ARHGEF26: variants seen among roughly 807,000 people sequenced by gnomAD.
ARHGEF26 encodes Rho guanine nucleotide exchange factor (GEF) 26.
A neutral mutation model predicts 89.4 loss-of-function variants in ARHGEF26; 59 were observed. The observed-to-expected ratio is 0.66, with a 90% CI of 0.54 to 0.82. The LOEUF (loss-of-function observed/expected upper bound fraction) is 0.82, where lower values mean the gene tolerates loss of function less well. Ranked by LOEUF, ARHGEF26 falls within the 40% of genes least tolerant of loss-of-function variation. The pLI, the probability that ARHGEF26 is intolerant of heterozygous loss-of-function variation, is 0.00. For synonymous variants in ARHGEF26, 500 were observed against 428.4 expected (o/e 1.17, Z -2.06); for missense variants, 1,234 against 1,085.6 (o/e 1.14, Z -1.92).
At chr3:154,162,879 G>A (rs982511022) in intron 6 of ARHGEF26, among the ~76,000 whole-genome samples, 1 of 152,120 alleles carries the variant, frequency 6.6e-6, no homozygotes, top group Non-Finnish European at 1.5e-5. Context: ...TATTATATAT[G>A]ATAATCATAC....
intron 6 of ARHGEF26, among the ~76,000 whole-genome samples, chr3:154,167,922 C>T (rs1321820415): frequency 6.6e-6 from 1 of 152,152 alleles, no homozygotes; most frequent in Non-Finnish European, 1.5e-5. Context: ...TTTGTTCTTA[C>T]AATCTCCAGG....
intron 12 of ARHGEF26, among the ~76,000 whole-genome samples, chr3:154,245,001 A>AT (rs1559924789): frequency 6.6e-6 from 1 of 152,206 alleles, no homozygotes; most frequent in South Asian, 2.1e-4. Context: ...AAAATATAGA[A>AT]TTTTTTAAGT....
rs761296397 is a variant in ARHGEF26 at position 154,161,100 on chromosome 3, TTGTGTGTGTGTG to T, written c.1487+8202_1487+8213del. Among the ~76,000 whole-genome samples, 9 of 17,606 alleles carry T rather than the reference TTGTGTGTGTGTG, an allele frequency of 5.1e-4. No homozygotes were observed. In the Admixed American group the frequency reaches 5.8e-3, roughly 11 times the overall value. 11.6% of individuals were successfully genotyped at this position (17,606 alleles called of 152,430 possible). ...CCTTTTGGAATGCTGGTAGCCAGGT[TTGTGTGTGTGTG>T]TGTGTGTGTGTGTGTGTGTGTGTGT... On this transcript the variant is annotated intron_variant, in intron 6 of 14. Coordinates refer to ENST00000465093, the MANE Select transcript of ARHGEF26 (RefSeq NM_015595.4).
At chr3:154,255,198 C>T in intron 14 of ARHGEF26, 133 bp from the exon 15 acceptor site, 2 of 931,720 alleles carry the variant, frequency 2.1e-6, no homozygotes, top group Non-Finnish European at 3.3e-6. Flanking sequence ...GAAAGCTTTC[C>T]CTGTCCCACT....
chr3:154,213,389 C>A (rs1024572317), intron 9 of ARHGEF26, among the ~76,000 whole-genome samples: 4 of 152,016 alleles, frequency 2.6e-5, no homozygotes, highest in Non-Finnish European at 5.9e-5. Flanking sequence ...ATAAAAACAG[C>A]AGAACATGTA....
chr3:154,161,114 G>T (rs967387863), intron 6 of ARHGEF26, among the ~76,000 whole-genome samples: 8 of 102,756 alleles, frequency 7.8e-5, no homozygotes, highest in Non-Finnish European at 1.3e-4. Flanking sequence ...GTGTGTGTGT[G>T]TGTGTGTGTG....
chr3:154,222,237 G>A (rs1458834354), intron 10 of ARHGEF26, among the ~76,000 whole-genome samples: 2 of 152,142 alleles, frequency 1.3e-5, no homozygotes, highest in African/African-American at 4.8e-5. Flanking sequence ...ATTTTGTAGG[G>A]CATGTGTGTG....
Position 154,126,890 on chromosome 3 carries a change from G to A in ARHGEF26, c.1123+2441G>A, listed in dbSNP as rs897594667. On this transcript the variant is annotated intron_variant, in intron 3 of 14. Transcript: ENST00000465093. ...AGAGCGTACTTAAACAAACCAGATG[G>A]TATAGCCTAGGATATATGGTAGAGC... Among the ~76,000 whole-genome samples, 6 of 152,240 alleles carry A rather than the reference G, an allele frequency of 3.9e-5. No homozygotes were observed. The East Asian group carries it at 5.8e-4, about 15-fold the overall frequency.
rs144694270 is a variant in ARHGEF26, at chr3:154,132,741, G to A, written c.1269+3022G>A. Among the ~76,000 whole-genome samples the A allele has an allele frequency of 7.8e-4, 119 of 152,036 alleles. 1 individual carries two copies. The highest frequency in any genetic ancestry group is 3.4e-3 in the Middle Eastern group (1 of 294). On this transcript the variant is annotated intron_variant, in intron 4 of 14. Transcript: ENST00000465093. ...ATATGTAATATATAAATATATATGT[G>A]TGTGTATATATAGAGTTGGAGGTCT...
At chr3:154,244,450 G>A (rs773818962) in intron 12 of ARHGEF26, among the ~76,000 whole-genome samples, 1 of 152,112 alleles carries the variant, frequency 6.6e-6, no homozygotes, top group African/African-American at 2.4e-5. Context: ...ACATGACGAA[G>A]GGACCCATGG....
intron 12 of ARHGEF26, among the ~76,000 whole-genome samples, chr3:154,248,678 G>GACC (rs763858643): frequency 2.0e-5 from 3 of 152,052 alleles, no homozygotes; most frequent in Non-Finnish European, 4.4e-5. Context: ...AAGGACTCTG[G>GACC]ACCAGATTTT....
chr3:154,257,045 A>G lies in ARHGEF26; in HGVS notation c.*1572A>G, dbSNP rs756185996. 12 of 1,423,250 alleles carry G rather than the reference A, an allele frequency of 8.4e-6. No homozygotes were observed. Among genetic ancestry groups the G allele is most frequent in the Non-Finnish European group, 1.1e-5 (12 of 1,090,144 alleles). The allele number at this position is 1,423,250 out of a possible 1,614,324, so 88.2% of individuals were successfully genotyped here. ...ATTGGAGGACTCAAATCTGTATGTGACATGTCCCAACTACTGTCCGCTAAC... is the reference window on the plus strand; with the variant it reads ...ATTGGAGGACTCAAATCTGTATGTGGCATGTCCCAACTACTGTCCGCTAAC... On this transcript the variant is annotated 3_prime_UTR_variant, in exon 15 of 15. Transcript: ENST00000465093.
At chr3:154,212,054 A>C (rs1715402765) in intron 9 of ARHGEF26, among the ~76,000 whole-genome samples, 1 of 152,158 alleles carries the variant, frequency 6.6e-6, no homozygotes. Context: ...CAGTGCATAA[A>C]GTGGCCAAGT....
intron 6 of ARHGEF26, among the ~76,000 whole-genome samples, chr3:154,177,142 GATT>G (rs1399666978): frequency 1.3e-5 from 2 of 152,186 alleles, no homozygotes; most frequent in Non-Finnish European, 2.9e-5. Flanking sequence ...AGGAAACATA[GATT>G]TAAGAATATA....
intron 7 of ARHGEF26, 54 bp downstream of exon 7, chr3:154,187,891 C>G: frequency 7.0e-7 from 1 of 1,438,012 alleles, no homozygotes; most frequent in Non-Finnish European, 9.4e-7. Context: ...TTTAATTAGG[C>G]TACATTGACT....
At chr3:154,249,328 C>T (rs1717981921) in intron 12 of ARHGEF26, among the ~76,000 whole-genome samples, 1 of 152,176 alleles carries the variant, frequency 6.6e-6, no homozygotes, top group South Asian at 2.1e-4. Flanking sequence ...CTTTGACCTT[C>T]ATGCAATTAA....
At chr3:154,154,680 T>G (rs1720223279) in intron 6 of ARHGEF26, among the ~76,000 whole-genome samples, 1 of 151,998 alleles carries the variant, frequency 6.6e-6, no homozygotes, top group Non-Finnish European at 1.5e-5. Context: ...GAAAGCATAT[T>G]CTACTTATTT....
At chr3:154,137,362 A>C (rs544679090) in intron 4 of ARHGEF26, among the ~76,000 whole-genome samples, 19 of 152,300 alleles carry the variant, frequency 1.2e-4, no homozygotes, top group African/African-American at 4.6e-4. Flanking sequence ...CCCCACCGGC[A>C]AGAAGGCTCT....
At chr3:154,226,152 G>A in intron 11 of ARHGEF26, 142 bp downstream of exon 11, 1 of 721,656 alleles carries the variant, frequency 1.4e-6, no homozygotes, top group Non-Finnish European at 2.1e-6. Context: ...TTGCATCTAT[G>A]GTTCATTTTC....
Sources: gnomAD v4.1 joint callset for allele counts (sites outside exome capture counted in the v4.1 genomes callset) on GRCh38, gnomAD v4.1.1 for gene constraint, MANE v1.5 for transcripts, NCBI Gene and HGNC (gene_info 2026-07-23, HGNC 2026-07-21) for gene names.